Variants in EFR3B observed in about 807,000 individuals in gnomAD.
The protein encoded by EFR3B is EFR3 homolog B.
Under a neutral mutation model 104.7 loss-of-function variants are expected in EFR3B, and 64 were observed. The ratio of observed to expected loss-of-function variants is 0.61; its 90% CI spans 0.50 to 0.75. EFR3B has a LOEUF of 0.75. Ranked by LOEUF, EFR3B falls within the 30% of genes least tolerant of loss-of-function variation. EFR3B has a pLI of 0.00. For missense variants in EFR3B, 750 were observed against 1,078.5 expected, an observed-to-expected ratio of 0.70 and a Z score of 4.27; for synonymous variants, 385 against 417.9, an observed-to-expected ratio of 0.92 and a Z score of 0.96.
chr2:25,057,650 C>T (rs1356537221), intron 1 of EFR3B, among the ~76,000 whole-genome samples: 2 of 152,048 alleles, frequency 1.3e-5, no homozygotes, highest in Non-Finnish European at 2.9e-5. Flanking sequence ...GGCACGGTGG[C>T]ACATGCCTGT....
At chr2:25,135,355 T>A in intron 12 of EFR3B, 112 bp from the exon 13 acceptor site, 1 of 1,280,034 alleles carries the variant, frequency 7.8e-7, no homozygotes, top group Middle Eastern at 2.6e-4. Flanking sequence ...TTGGGCGATG[T>A]CTAGAGAGGA....
chr2:25,073,503 G>A (rs1019113186), intron 1 of EFR3B, among the ~76,000 whole-genome samples: 3 of 151,988 alleles, frequency 2.0e-5, no homozygotes, highest in Admixed American at 2.0e-4. Flanking sequence ...GACTACAGGT[G>A]TGTGCCACCA....
intron 1 of EFR3B, among the ~76,000 whole-genome samples, chr2:25,087,361 GTA>G (rs67038461): frequency 0.5 from 74,971 of 148,594 alleles, 19,310 homozygotes; most frequent in East Asian, 0.79. Context: ...CTTCATATAT[GTA>G]TATATATATA....
At chr2:25,139,730 C>T (rs1670612259) in intron 16 of EFR3B, among the ~76,000 whole-genome samples, 1 of 152,192 alleles carries the variant, frequency 6.6e-6, no homozygotes, top group African/African-American at 2.4e-5. Context: ...CTTTTCTTTT[C>T]CTTTGCTGAA....
intron 21 of EFR3B, 81 bp from the exon 22 acceptor site, chr2:25,153,631 T>C: frequency 7.0e-7 from 1 of 1,433,744 alleles, no homozygotes; most frequent in Non-Finnish European, 9.6e-7. Context: ...CTCCAGCGTA[T>C]ACTCTGGACA....
chr2:25,067,096 G>A (rs774894507), intron 1 of EFR3B, among the ~76,000 whole-genome samples: 1 of 152,204 alleles, frequency 6.6e-6, no homozygotes, highest in Non-Finnish European at 1.5e-5. Flanking sequence ...GCCACATGTG[G>A]CTAGTGAACA....
intron 18 of EFR3B, 124 bp from the exon 19 acceptor site, chr2:25,144,836 G>A (rs1305084145): frequency 4.2e-6 from 3 of 713,970 alleles, no homozygotes; most frequent in African/African-American, 3.5e-5. Context: ...TAGCCTGAGT[G>A]TGCACTGAGC....
At chr2:25,064,407 T>C (rs1047296895) in intron 1 of EFR3B, among the ~76,000 whole-genome samples, 1 of 152,230 alleles carries the variant, frequency 6.6e-6, no homozygotes, top group Non-Finnish European at 1.5e-5. Context: ...TGATACTGTG[T>C]GTTCATTTAG....
intron 1 of EFR3B, among the ~76,000 whole-genome samples, chr2:25,090,500 A>G (rs183019137): frequency 2.1e-3 from 313 of 152,334 alleles, no homozygotes; most frequent in Non-Finnish European, 3.1e-3. Flanking sequence ...AGTCTTCTCA[A>G]TGGAGTAAAT....
chr2:25,099,674 C>T (rs1390975970), intron 3 of EFR3B, among the ~76,000 whole-genome samples: 1 of 151,870 alleles, frequency 6.6e-6, no homozygotes, highest in Admixed American at 6.6e-5. Context: ...ATTTAGAAGT[C>T]ATGACTGCTG....
intron 1 of EFR3B, among the ~76,000 whole-genome samples, chr2:25,049,611 A>G (rs908138686): frequency 2.6e-5 from 4 of 152,144 alleles, no homozygotes; most frequent in Non-Finnish European, 4.4e-5. Flanking sequence ...AGTGGAAGAG[A>G]CCAGTGCGAG....
At chr2:25,110,242 C>T (rs1189779249) in intron 4 of EFR3B, among the ~76,000 whole-genome samples, 2 of 152,136 alleles carry the variant, frequency 1.3e-5, no homozygotes, top group South Asian at 2.1e-4. Context: ...CCTTACCCTC[C>T]CAGGGCCTGC....
intron 4 of EFR3B, among the ~76,000 whole-genome samples, chr2:25,110,516 TG>T (rs1669695140): frequency 6.6e-6 from 1 of 152,280 alleles, no homozygotes; most frequent in Non-Finnish European, 1.5e-5. Context: ...TTCCACTTCC[TG>T]TGCCCATCTT....
intron 1 of EFR3B, among the ~76,000 whole-genome samples, chr2:25,063,104 A>T (rs1193822184): frequency 6.8e-6 from 1 of 148,110 alleles, no homozygotes; most frequent in East Asian, 2.0e-4. Flanking sequence ...CCCCTGGCTA[A>T]TTTTTTTGTA....
At chr2:25,139,564 A>G (rs1406263454) in intron 16 of EFR3B, among the ~76,000 whole-genome samples, 1 of 152,128 alleles carries the variant, frequency 6.6e-6, no homozygotes, top group Non-Finnish European at 1.5e-5. Flanking sequence ...GACTACAGCT[A>G]TGAAATACCG....
At chr2:25,068,185 ATG>A (rs746384311) in intron 1 of EFR3B, among the ~76,000 whole-genome samples, 1 of 152,088 alleles carries the variant, frequency 6.6e-6, no homozygotes, top group Non-Finnish European at 1.5e-5. Context: ...GTCAGGGCTG[ATG>A]TGTGTATGAG....
intron 3 of EFR3B, among the ~76,000 whole-genome samples, chr2:25,098,831 A>ATTTTTTT (rs11416666): frequency 2.4e-5 from 2 of 83,812 alleles, no homozygotes; most frequent in Non-Finnish European, 4.6e-5. Context: ...TAAGTAGCCA[A>ATTTTTTT]TTTTTTTTTT....
chr2:25,115,341 T>C (rs966262257), intron 4 of EFR3B, among the ~76,000 whole-genome samples: 2 of 152,206 alleles, frequency 1.3e-5, no homozygotes, highest in Non-Finnish European at 2.9e-5. Flanking sequence ...GCTAAGATCA[T>C]GCGACCCAGT....
At chr2:25,045,236 G>A (rs961384132) in intron 1 of EFR3B, among the ~76,000 whole-genome samples, 2 of 152,046 alleles carry the variant, frequency 1.3e-5, no homozygotes, top group African/African-American at 2.4e-5. Context: ...CCAGTGCCAA[G>A]CCGCTGAGCC....
Sources: allele counts gnomAD v4.1 joint callset (sites outside exome capture counted in the v4.1 genomes callset), GRCh38; gene constraint gnomAD v4.1.1; transcripts MANE v1.5; gene names NCBI Gene and HGNC (gene_info 2026-07-23, HGNC 2026-07-21).